Variants in LRRFIP2 observed in about 807,000 individuals in gnomAD.
The protein encoded by LRRFIP2 is LRR binding FLII interacting protein 2, also known as leucine-rich repeat flightless-interacting protein 2.
Under a neutral mutation model 125.9 loss-of-function variants are expected in LRRFIP2, and 109 were observed. That is an observed-to-expected ratio of 0.87 (90% CI 0.74 to 1.01). The LOEUF is 1.01. Ranked by LOEUF, LRRFIP2 falls within the 50% of genes least tolerant of loss-of-function variation. LRRFIP2 has a pLI of 0.00. For synonymous variants in LRRFIP2, 291 were observed against 293.1 expected, an observed-to-expected ratio of 0.99 and a Z score of 0.07; for missense variants, 850 against 862.3, an observed-to-expected ratio of 0.99 and a Z score of 0.18.
At chr3:37,107,150 C>T (rs984646057) in intron 13 of LRRFIP2, among the ~76,000 whole-genome samples, 1 of 152,104 alleles carries the variant, frequency 6.6e-6, no homozygotes, top group Admixed American at 6.5e-5. Flanking sequence ...GTAATGTGCC[C>T]TCGGCCTCCC....
chr3:37,149,616 T>C (rs182489180), intron 1 of LRRFIP2, among the ~76,000 whole-genome samples: 39 of 152,322 alleles, frequency 2.6e-4, no homozygotes, highest in East Asian at 5.8e-4. Context: ...CCTAAACTTT[T>C]AGAAGAAAAT....
chr3:37,142,148 C>CTTT (rs1006144645), intron 2 of LRRFIP2, among the ~76,000 whole-genome samples: 11 of 129,730 alleles, frequency 8.5e-5, no homozygotes, highest in South Asian at 2.4e-4. Flanking sequence ...ATTTTTCCTA[C>CTTT]TTTTTTTTTT....
At chr3:37,168,529 T>C (rs562702966) in intron 1 of LRRFIP2, among the ~76,000 whole-genome samples, 1 of 152,218 alleles carries the variant, frequency 6.6e-6, no homozygotes, top group African/African-American at 2.4e-5. Context: ...GGGCATGAGG[T>C]GATATTGTTT....
At chr3:37,090,569 G>A (rs1241601059) in intron 18 of LRRFIP2, among the ~76,000 whole-genome samples, 1 of 152,100 alleles carries the variant, frequency 6.6e-6, no homozygotes, top group Non-Finnish European at 1.5e-5. Context: ...ACATACATGT[G>A]TTCAAATAAA....
At chr3:37,128,457 T>C (rs1471231829) in intron 3 of LRRFIP2, among the ~76,000 whole-genome samples, 1 of 152,196 alleles carries the variant, frequency 6.6e-6, no homozygotes, top group Non-Finnish European at 1.5e-5. Flanking sequence ...GATAAAAGTA[T>C]ACTGAAAGTT....
rs891417251 is a variant in LRRFIP2, at chr3:37,097,326, C to T, written c.874-666G>A. Among the ~76,000 whole-genome samples the T allele has an allele frequency of 2.6e-5, 4 of 152,102 alleles. No homozygotes were observed. In the East Asian group the frequency reaches 7.7e-4, roughly 29 times the overall value. On this transcript the variant is annotated intron_variant, in intron 15 of 27. Coordinates refer to ENST00000336686, the MANE Select transcript of LRRFIP2 (RefSeq NM_006309.4). The stretch of plus-strand genomic sequence containing the variant: ...TCTTTAAAAAAATTCTAGTAAGTGT[C>T]CCATATATGTTCTACATCTTCTTTT...
Position 37,053,961 on chromosome 3 carries a change from A to G in LRRFIP2, c.2056T>C (p.Leu686=). 1 of 1,579,226 alleles carries G rather than the reference A, an allele frequency of 6.3e-7. No individual in the cohort carries two copies. Among genetic ancestry groups the G allele is most frequent in the African/African-American group, 1.3e-5 (1 of 74,294 alleles). Reference sequence around the variant, plus strand: ...TCAATCTTGTCCAGTGCTGTTCGTAACTGGAGACAGGGAGAATGCAGTCAC... The same window carrying G: ...TCAATCTTGTCCAGTGCTGTTCGTAGCTGGAGACAGGGAGAATGCAGTCAC... ...KAEKRKLQRE[L]RTALDKIEEM... The change falls in exon 28 of 28, where the codon TTA becomes CTA. Residue 686 remains leucine, a splice_region_variant and synonymous_variant. Transcript: ENST00000336686.
At chr3:37,071,409 A>C (rs187781261) in intron 21 of LRRFIP2, among the ~76,000 whole-genome samples, 41 of 152,230 alleles carry the variant, frequency 2.7e-4, no homozygotes, top group Non-Finnish European at 5.4e-4. Flanking sequence ...GGTGGGTCTC[A>C]CTATGTTGCC....
In LRRFIP2 at chr3:37,053,844, G is replaced by GC; in HGVS notation, c.*6_*7insG. 1 of 1,601,826 alleles carries GC rather than the reference G, an allele frequency of 6.2e-7. No homozygotes were observed. The highest frequency in any genetic ancestry group is 2.2e-5 in the East Asian group (1 of 44,846). ...AGGAGCATCACCCAGGTTGAAGGGT[G>GC]GTTTTCCTACTGCTGGGCCAGAAGT... On this transcript the variant is annotated 3_prime_UTR_variant, in exon 28 of 28. Transcript: ENST00000336686.
intron 2 of LRRFIP2, among the ~76,000 whole-genome samples, chr3:37,138,819 T>C (rs958041226): frequency 5.9e-5 from 9 of 152,266 alleles, no homozygotes; most frequent in East Asian, 3.8e-4. Context: ...CCACAGATCT[T>C]AGCAACCTCA....
Position 37,053,654 on chromosome 3 carries a change from AACT to A in LRRFIP2, c.*194_*196del, listed in dbSNP as rs1335364136. Reference sequence around the variant, plus strand: ...ATGGACTGGTTCTACCCTAGAATCAAACTACAACAAAATCCAAAGTGTTCATTC... The same window carrying A: ...ATGGACTGGTTCTACCCTAGAATCAAACAACAAAATCCAAAGTGTTCATTC... On this transcript the variant is annotated 3_prime_UTR_variant, in exon 28 of 28. Transcript: ENST00000336686. 1 of 569,916 alleles carries A rather than the reference AACT, an allele frequency of 1.8e-6. No individual in the cohort carries two copies. Among genetic ancestry groups the A allele is most frequent in the Non-Finnish European group, 3.1e-6 (1 of 317,954 alleles). 35.3% of individuals were successfully genotyped at this position (569,916 alleles called of 1,614,324 possible).
At chr3:37,175,776 G>C (rs1392749386), upstream of LRRFIP2, 1 of 152,308 alleles carries the variant, frequency 6.6e-6, no homozygotes, top group Non-Finnish European at 1.5e-5. Context: ...CGGAGGGACA[G>C]CTGCCCAATT....
rs2092820043 is a variant in LRRFIP2, at chr3:37,083,713, C to G, written c.1201G>C (p.Asp401His). Residue 401 changes from aspartate to histidine, a missense_variant, in exon 19 of 28, where the codon GAC becomes CAC. Physicochemically the swap from Asp to His is moderately conservative, Grantham distance 81. Coordinates refer to ENST00000336686, the MANE Select transcript of LRRFIP2 (RefSeq NM_006309.4). ...TCTTCAATAACATCCTTGAGTGTGTCTACTTGGTAGATCAAATTGTTCTTC... is the reference window on the plus strand; with the variant it reads ...TCTTCAATAACATCCTTGAGTGTGTGTACTTGGTAGATCAAATTGTTCTTC... ...NEKNNLIYQV[D>H]TLKDVIEEQE... 1 of 1,599,288 alleles carries G rather than the reference C, an allele frequency of 6.3e-7. No homozygotes were observed. Among genetic ancestry groups the G allele is most frequent in the Non-Finnish European group, 8.5e-7 (1 of 1,174,656 alleles).
intron 1 of LRRFIP2, among the ~76,000 whole-genome samples, chr3:37,156,299 G>C (rs2096189263): frequency 6.6e-6 from 1 of 152,052 alleles, no homozygotes; most frequent in Non-Finnish European, 1.5e-5. Flanking sequence ...AGAAAGCAAA[G>C]TGAAACTCTA....
chr3:37,109,520 T>C lies in LRRFIP2; in HGVS notation c.609+7A>G, dbSNP rs1362789347. The C allele has an allele frequency of 6.2e-7, 1 of 1,613,858 alleles. No homozygotes were observed. The highest frequency in any genetic ancestry group is 1.7e-5 in the Admixed American group (1 of 59,990). ...CACTGCACACACTGGAAGAGGAAAA[T>C]ACAAACCAGACTGGCACTTCTCAGC... On this transcript the variant is annotated splice_region_variant and intron_variant, in intron 11 of 27. Transcript: ENST00000336686.
chr3:37,107,466 C>T (rs940123439), intron 13 of LRRFIP2, among the ~76,000 whole-genome samples: 4 of 152,056 alleles, frequency 2.6e-5, no homozygotes, highest in African/African-American at 7.2e-5. Flanking sequence ...AGCACTCATA[C>T]GTGCATAAAA....
intron 6 of LRRFIP2, among the ~76,000 whole-genome samples, chr3:37,119,414 A>G (rs1319592102): frequency 1.3e-5 from 2 of 152,196 alleles, no homozygotes; most frequent in East Asian, 3.8e-4. Context: ...AAGGCCCCCA[A>G]ATGTTCAAAT....
upstream of LRRFIP2, chr3:37,175,718 G>T (rs779464766): frequency 1.3e-5 from 2 of 152,332 alleles, no homozygotes; most frequent in Non-Finnish European, 2.9e-5. Flanking sequence ...GGACAGAACC[G>T]TAGTGTGGCG....
chr3:37,127,829 A>G, intron 3 of LRRFIP2, 149 bp from the exon 4 acceptor site: 1 of 649,104 alleles, frequency 1.5e-6, no homozygotes, highest in South Asian at 1.9e-5. Flanking sequence ...AGTAAGCTAA[A>G]TATGTTCAAT....
Sources: allele counts gnomAD v4.1 joint callset (sites outside exome capture counted in the v4.1 genomes callset), GRCh38; gene constraint gnomAD v4.1.1; transcripts MANE v1.5; gene names NCBI Gene and HGNC (gene_info 2026-07-23, HGNC 2026-07-21).